Variants in INPP4B observed in about 807,000 individuals in gnomAD.
The protein encoded by INPP4B is inositol polyphosphate-4-phosphatase type II B, also known as inositol polyphosphate 4-phosphatase type II.
In INPP4B, 55 loss-of-function variants were observed where a neutral mutation model predicts 122.5. The ratio of observed to expected loss-of-function variants is 0.45; its 90% CI spans 0.36 to 0.56. The LOEUF (loss-of-function observed/expected upper bound fraction) is 0.56. Ranked by LOEUF, INPP4B falls within the 20% of genes least tolerant of loss-of-function variation. The pLI is 0.00. For missense variants in INPP4B, 1,000 were observed against 1,097.7 expected (o/e 0.91, Z 1.26); for synonymous variants, 403 against 388.7 (o/e 1.04, Z -0.43).
chr4:142,364,208 T>A (rs1786577615), intron 7 of INPP4B, among the ~76,000 whole-genome samples: 1 of 152,046 alleles, frequency 6.6e-6, no homozygotes, highest in African/African-American at 2.4e-5. Flanking sequence ...AGAATAAAAG[T>A]ACCCCATATT....
intron 12 of INPP4B, among the ~76,000 whole-genome samples, chr4:142,225,517 A>C (rs966232337): frequency 6.8e-6 from 1 of 147,090 alleles, no homozygotes; most frequent in Admixed American, 6.8e-5. Flanking sequence ...TATACACACA[A>C]ATATATATAT....
intron 2 of INPP4B, among the ~76,000 whole-genome samples, chr4:142,559,668 T>C (rs1433125361): frequency 6.6e-6 from 1 of 152,216 alleles, no homozygotes; most frequent in African/African-American, 2.4e-5. Context: ...TATCTTGTAA[T>C]CATAGCCCTT....
At chr4:142,836,214 A>C (rs1714933601) in intron 1 of INPP4B, among the ~76,000 whole-genome samples, 1 of 152,200 alleles carries the variant, frequency 6.6e-6, no homozygotes, top group African/African-American at 2.4e-5. Flanking sequence ...ACAGCTTTAC[A>C]ACATTATTCT....
intron 1 of INPP4B, among the ~76,000 whole-genome samples, chr4:142,740,261 T>C (rs1299246106): frequency 2.6e-5 from 4 of 151,998 alleles, no homozygotes; most frequent in Non-Finnish European, 5.9e-5. Context: ...AATGGAATTA[T>C]AGTTGAATAC....
chr4:142,259,382 A>G (rs1428679047), intron 11 of INPP4B, among the ~76,000 whole-genome samples: 5 of 151,544 alleles, frequency 3.3e-5, no homozygotes, highest in African/African-American at 1.2e-4. Flanking sequence ...AAAAAAGAAA[A>G]AAAAAAGATC....
At chr4:142,843,422 A>G (rs1420079809) in intron 1 of INPP4B, among the ~76,000 whole-genome samples, 1 of 151,934 alleles carries the variant, frequency 6.6e-6, no homozygotes, top group African/African-American at 2.4e-5. Context: ...AAGGCTTTAG[A>G]AAGATATACA....
intron 1 of INPP4B, among the ~76,000 whole-genome samples, chr4:142,737,146 A>C (rs1255788622): frequency 1.3e-5 from 2 of 152,200 alleles, no homozygotes; most frequent in Non-Finnish European, 2.9e-5. Flanking sequence ...AAGAGCCTGC[A>C]TTGCCAAGTC....
intron 25 of INPP4B, chr4:142,029,909 G>C: frequency 3.3e-6 from 4 of 1,218,534 alleles, no homozygotes; most frequent in Non-Finnish European, 2.1e-6. Context: ...TCTTGAGCTA[G>C]TTAACAGTGG....
Position 142,293,039 on chromosome 4 carries a change from C to CA in INPP4B, c.503+12418_503+12419insT, listed in dbSNP as rs1248852310. 2.4e-5 allele frequency among the ~76,000 whole-genome samples: 2 copies of CA among 84,802 alleles called. 1 individual carries two copies. The highest frequency in any genetic ancestry group is 5.5e-5 in the Non-Finnish European group (2 of 36,054). The allele number at this position is 84,802 out of a possible 152,430, so 55.6% of individuals were successfully genotyped here. A position where few individuals can be genotyped will look rare whatever the true frequency, so the allele number is the denominator to read the frequency against. On this transcript the variant is annotated intron_variant, in intron 9 of 25. Transcript: ENST00000262992. ...AAAGGTAATTACCTAATTTTTATACCCTTTTTTTTTTTTTTTAAGACAGAG... is the reference window on the plus strand; with the variant it reads ...AAAGGTAATTACCTAATTTTTATACCACTTTTTTTTTTTTTTTAAGACAGAG...
intron 2 of INPP4B, among the ~76,000 whole-genome samples, chr4:142,575,197 T>C (rs1348068343): frequency 6.6e-6 from 1 of 150,832 alleles, no homozygotes; most frequent in African/African-American, 2.4e-5. Flanking sequence ...CATAGTGCCG[T>C]GAAATCATGA....
intron 11 of INPP4B, among the ~76,000 whole-genome samples, chr4:142,243,336 T>C (rs1366059172): frequency 3.9e-5 from 6 of 152,208 alleles, no homozygotes; most frequent in African/African-American, 1.4e-4. Flanking sequence ...CATCATTAGA[T>C]AGTCAAATTT....
At chr4:142,317,887 A>G (rs1160315639) in intron 7 of INPP4B, among the ~76,000 whole-genome samples, 1 of 152,182 alleles carries the variant, frequency 6.6e-6, no homozygotes, top group Admixed American at 6.5e-5. Context: ...GGAGTTACAT[A>G]TGTTTGGGAA....
intron 14 of INPP4B, among the ~76,000 whole-genome samples, chr4:142,201,664 C>T (rs895273516): frequency 1.3e-5 from 2 of 150,616 alleles, no homozygotes; most frequent in African/African-American, 2.4e-5. Flanking sequence ...GAATTAACTG[C>T]AATTGATTGT....
intron 2 of INPP4B, among the ~76,000 whole-genome samples, chr4:142,560,244 A>T (rs986547328): frequency 1.3e-5 from 2 of 152,178 alleles, no homozygotes; most frequent in African/African-American, 4.8e-5. Flanking sequence ...GCTGAGCCGG[A>T]AAAGGGTCAG....
intron 2 of INPP4B, among the ~76,000 whole-genome samples, chr4:142,562,877 G>T (rs1182588824): frequency 6.6e-6 from 1 of 152,024 alleles, no homozygotes; most frequent in East Asian, 1.9e-4. Context: ...AAGAAAATCA[G>T]ACTAAATGCC....
At chr4:142,703,670 T>G (rs1287955341) in intron 2 of INPP4B, among the ~76,000 whole-genome samples, 1 of 152,206 alleles carries the variant, frequency 6.6e-6, no homozygotes, top group African/African-American at 2.4e-5. Context: ...TCTGAAAGAA[T>G]GAATGTTGCA....
chr4:142,079,334 T>C (rs915519495), intron 25 of INPP4B, among the ~76,000 whole-genome samples: 10 of 151,986 alleles, frequency 6.6e-5, no homozygotes, highest in African/African-American at 2.4e-4. Flanking sequence ...CAAACATATG[T>C]ATTTTTTAAA....
intron 5 of INPP4B, among the ~76,000 whole-genome samples, chr4:142,419,775 C>G (rs1429817047): frequency 6.6e-6 from 1 of 152,098 alleles, no homozygotes; most frequent in African/African-American, 2.4e-5. Context: ...CCCCAAGTGA[C>G]TTAAGATACA....
intron 7 of INPP4B, among the ~76,000 whole-genome samples, chr4:142,346,276 C>T (rs1382752648): frequency 1.3e-5 from 2 of 151,984 alleles, no homozygotes; most frequent in Admixed American, 6.6e-5. Context: ...AGCATCAAAA[C>T]TTAAGATAAA....
Sources: gnomAD v4.1 joint callset for allele counts (sites outside exome capture counted in the v4.1 genomes callset) on GRCh38, gnomAD v4.1.1 for gene constraint, MANE v1.5 for transcripts, NCBI Gene and HGNC (gene_info 2026-07-23, HGNC 2026-07-21) for gene names.